Variants in FRMD5 observed in about 807,000 individuals in gnomAD.
FRMD5 encodes the protein FERM domain-containing protein 5.
A neutral mutation model predicts 69.0 loss-of-function variants in FRMD5; 20 were observed. The observed-to-expected ratio is 0.29, with a 90% confidence interval of 0.20 to 0.42. The LOEUF is 0.42. Among genes scored for constraint, FRMD5 ranks in the 10% least tolerant of loss-of-function variants. The pLI is 1.00. For synonymous variants in FRMD5, 271 were observed against 260.1 expected (o/e 1.04, Z -0.40); for missense variants, 595 against 708.6 (o/e 0.84, Z 1.82).
At chr15:43,888,952 C>T in intron 8 of FRMD5, 80 bp from the exon 9 acceptor site, 1 of 1,245,916 alleles carries the variant, frequency 8.0e-7, no homozygotes, top group Non-Finnish European at 1.2e-6. Context: ...CACAGCCCAC[C>T]CCAACTGGAA....
chr15:43,891,929 C>T, intron 8 of FRMD5, 52 bp downstream of exon 8: 2 of 1,489,256 alleles, frequency 1.3e-6, no homozygotes, highest in Non-Finnish European at 9.4e-7. Context: ...ACCGTCGCCC[C>T]TCCCCAGTTG....
intron 1 of FRMD5, among the ~76,000 whole-genome samples, chr15:43,939,569 T>A (rs1443998562): frequency 6.6e-6 from 1 of 151,686 alleles, no homozygotes; most frequent in East Asian, 1.9e-4. Flanking sequence ...TTTATTTTTA[T>A]CTTTTTGAGA....
At chr15:44,011,104 T>TAAGGAAAG (rs1890698088) in intron 1 of FRMD5, among the ~76,000 whole-genome samples, 1 of 151,250 alleles carries the variant, frequency 6.6e-6, no homozygotes, top group South Asian at 2.1e-4. Flanking sequence ...CTTGGTGGAT[T>TAAGGAAAG]AAGGAAAGAA....
chr15:43,960,252 CTAATT>C (rs1284034576), intron 1 of FRMD5, among the ~76,000 whole-genome samples: 3 of 151,742 alleles, frequency 2.0e-5, no homozygotes, highest in Admixed American at 1.3e-4. Flanking sequence ...CCACACCCGG[CTAATT>C]TATTTTTTGT....
At chr15:43,904,203 G>T (rs980523566) in intron 6 of FRMD5, among the ~76,000 whole-genome samples, 4 of 152,160 alleles carry the variant, frequency 2.6e-5, no homozygotes, top group African/African-American at 9.7e-5. Context: ...GTTTCTGGGG[G>T]GCCTGTGGTC....
intron 1 of FRMD5, among the ~76,000 whole-genome samples, chr15:44,125,316 T>G (rs1271057846): frequency 6.6e-6 from 1 of 151,892 alleles, no homozygotes; most frequent in Non-Finnish European, 1.5e-5. Context: ...ATAATAATAA[T>G]AATAATAATT....
At chr15:44,178,994 AAAT>A (rs2077951016) in intron 1 of FRMD5, among the ~76,000 whole-genome samples, 3 of 106 alleles carry the variant, frequency 0.028, no homozygotes, top group African/African-American at 0.11. Context: ...CTCTGTCTTG[AAAT>A]AAATAAATAA....
chr15:43,979,140 C>T (rs548827826), intron 1 of FRMD5, among the ~76,000 whole-genome samples: 2 of 152,182 alleles, frequency 1.3e-5, no homozygotes, highest in South Asian at 4.2e-4. Flanking sequence ...CAGTTCAAGA[C>T]CAGCCTGGCC....
intron 1 of FRMD5, among the ~76,000 whole-genome samples, chr15:43,992,377 A>G (rs1302764462): frequency 7.5e-6 from 1 of 133,540 alleles, no homozygotes; most frequent in African/African-American, 2.8e-5. Flanking sequence ...CTGGAGTTTT[A>G]TATTTATTTT....
intron 1 of FRMD5, among the ~76,000 whole-genome samples, chr15:44,105,471 T>TCAG (rs1170739201): frequency 1.4e-4 from 22 of 152,342 alleles, no homozygotes; most frequent in Admixed American, 3.9e-4. Flanking sequence ...AGGCGCTAAC[T>TCAG]TACTGATCTT....
At chr15:43,875,363 A>AAAATATATATAT (rs1366807150) in intron 13 of FRMD5, among the ~76,000 whole-genome samples, 1 of 105,348 alleles carries the variant, frequency 9.5e-6, no homozygotes, top group African/African-American at 4.0e-5. Flanking sequence ...AAAAAAAAAA[A>AAAATATATATAT]ATATATATAT....
At chr15:44,021,829 C>A (rs1010395176) in intron 1 of FRMD5, among the ~76,000 whole-genome samples, 2 of 152,128 alleles carry the variant, frequency 1.3e-5, no homozygotes, top group African/African-American at 4.8e-5. Context: ...AAGATTCAAA[C>A]AGGTATTTGT....
intron 1 of FRMD5, among the ~76,000 whole-genome samples, chr15:44,057,146 T>G (rs1892902662): frequency 6.6e-6 from 1 of 151,898 alleles, no homozygotes; most frequent in African/African-American, 2.4e-5. Context: ...TATTTTTTTT[T>G]TTTTTTCTCA....
intron 1 of FRMD5, among the ~76,000 whole-genome samples, chr15:44,142,378 T>C (rs1177813925): frequency 6.6e-6 from 1 of 152,190 alleles, no homozygotes; most frequent in Non-Finnish European, 1.5e-5. Flanking sequence ...CTGACATCAC[T>C]TGATTTTAGT....
At chr15:43,928,061 A>C (rs1372158615) in intron 1 of FRMD5, among the ~76,000 whole-genome samples, 2 of 152,178 alleles carry the variant, frequency 1.3e-5, no homozygotes, top group African/African-American at 4.8e-5. Flanking sequence ...TTTCTCTTGG[A>C]GTAGTTAGGA....
intron 1 of FRMD5, among the ~76,000 whole-genome samples, chr15:43,942,241 A>C (rs2089875402): frequency 6.6e-6 from 1 of 152,214 alleles, no homozygotes; most frequent in Non-Finnish European, 1.5e-5. Flanking sequence ...TAATTAAAGA[A>C]TGTATGAAGG....
chr15:44,169,107 T>C (rs1042429968), intron 1 of FRMD5, among the ~76,000 whole-genome samples: 1 of 152,174 alleles, frequency 6.6e-6, no homozygotes, highest in Non-Finnish European at 1.5e-5. Context: ...AAATTATGCA[T>C]CTAATAAAAT....
intron 1 of FRMD5, among the ~76,000 whole-genome samples, chr15:43,969,027 T>C (rs1433194809): frequency 6.6e-6 from 1 of 152,078 alleles, no homozygotes; most frequent in Non-Finnish European, 1.5e-5. Flanking sequence ...TTAATACTGA[T>C]TTAGAGGTAA....
chr15:44,191,914 T>TAC (rs2078201650), intron 1 of FRMD5, among the ~76,000 whole-genome samples: 1 of 1,298 alleles, frequency 7.7e-4, no homozygotes, highest in East Asian at 0.029. Flanking sequence ...TATATATATA[T>TAC]ATATATATTA....
Sources: allele counts gnomAD v4.1 joint callset (sites outside exome capture counted in the v4.1 genomes callset), GRCh38; gene constraint gnomAD v4.1.1; transcripts MANE v1.5; gene names NCBI Gene and HGNC (gene_info 2026-07-23, HGNC 2026-07-21).